The following PIWIL1 variants were observed in gnomAD, a reference collection of about 807,000 sequenced individuals.
PIWIL1 encodes the protein piwi-like protein 1.
PIWIL1 carries 73 observed loss-of-function variants against 114.4 expected under a neutral mutation model. The ratio of observed to expected loss-of-function variants is 0.64; its 90% CI spans 0.53 to 0.78. The LOEUF (loss-of-function observed/expected upper bound fraction) is 0.78, where lower values mean the gene tolerates loss of function less well. PIWIL1 is among the 30% of genes least tolerant of loss of function. PIWIL1 has a pLI of 0.00. For missense variants in PIWIL1, 723 were observed against 1,063.1 expected (o/e 0.68, Z 4.45); for synonymous variants, 375 against 369.0 (o/e 1.02, Z -0.19).
In PIWIL1 at chr12:130,361,601, G is replaced by A. The variant is rs199654827; in HGVS notation, c.1970G>A (p.Arg657His). 486 of 1,612,324 alleles carry A rather than the reference G, an allele frequency of 3.0e-4. No homozygotes were observed. The highest frequency in any genetic ancestry group is 4.0e-4 in the Non-Finnish European group (473 of 1,178,512). Reference protein sequence around the residue: ...FVASINEGMTRWFSRCIFQDR... With the variant: ...FVASINEGMTHWFSRCIFQDR... The stretch of plus-strand genomic sequence containing the variant: ...GCCAGCATCAATGAAGGGATGACCC[G>A]GTGAGTGAGACTGGGCTACTGTGGG... Residue 657 changes from arginine to histidine, a missense_variant and splice_region_variant, in exon 16 of 21, where the codon CGC (arginine) becomes CAC (histidine). Coordinates refer to ENST00000245255, the MANE Select transcript of PIWIL1 (RefSeq NM_004764.5).
intron 18 of PIWIL1, among the ~76,000 whole-genome samples, chr12:130,365,050 C>T (rs2073617399): frequency 6.6e-6 from 1 of 152,144 alleles, no homozygotes; most frequent in African/African-American, 2.4e-5. Flanking sequence ...GAGGTTGCCA[C>T]CCTAGTGAAT....
At chr12:130,387,862 T>G in the PIWIL1 span, among the ~76,000 whole-genome samples, 3 of 152,266 alleles carry the variant, frequency 2.0e-5, no homozygotes, top group African/African-American at 7.2e-5. Flanking sequence ...TAATAAAATT[T>G]ACAGCATATC....
At chr12:130,402,647 A>G in the PIWIL1 span, among the ~76,000 whole-genome samples, 104,011 of 152,002 alleles carry the variant, frequency 0.68, 36,930 homozygotes, top group Non-Finnish European at 0.78. Context: ...CCATTTCTCT[A>G]TTTGCGGCCA....
chr12:130,374,963 G>A (rs1419848019), downstream of PIWIL1, among the ~76,000 whole-genome samples: 2 of 151,954 alleles, frequency 1.3e-5, no homozygotes, highest in Non-Finnish European at 2.9e-5. Flanking sequence ...TACACTTCTC[G>A]TCTGCCAAGG....
the PIWIL1 span, chr12:130,424,204 G>A: frequency 1.9e-5 from 23 of 1,231,944 alleles, no homozygotes; most frequent in African/African-American, 4.7e-5. This position sits in a 1 kb window ranked among gnomAD's most constrained non-coding sequence, Gnocchi z 9.8. Flanking sequence ...CTACTGTCGG[G>A]CATGGTTATG....
the PIWIL1 span, among the ~76,000 whole-genome samples, chr12:130,389,645 A>G: frequency 6.6e-6 from 1 of 152,178 alleles, no homozygotes; most frequent in South Asian, 2.1e-4. Context: ...TATTATTAAC[A>G]TCTTCTGTTT....
intron 18 of PIWIL1, among the ~76,000 whole-genome samples, chr12:130,364,709 G>C (rs992492398): frequency 6.6e-6 from 1 of 152,130 alleles, no homozygotes; most frequent in African/African-American, 2.4e-5. Flanking sequence ...TGGCCTTTCT[G>C]TCTGTGTGGG....
the PIWIL1 span, among the ~76,000 whole-genome samples, chr12:130,402,385 T>A: frequency 1.3e-5 from 2 of 152,066 alleles, no homozygotes; most frequent in Non-Finnish European, 2.9e-5. Flanking sequence ...TGACTGGCAG[T>A]CAGAACGCTG....
At chr12:130,424,479 C>T in the PIWIL1 span, 24 of 1,232,036 alleles carry the variant, frequency 1.9e-5, no homozygotes, top group Middle Eastern at 3.1e-4. This position sits in a 1 kb window ranked among gnomAD's most constrained non-coding sequence, Gnocchi z 9.8. Context: ...GAAGCCAAAC[C>T]GCGACTCGTC....
chr12:130,407,410 TC>T, the PIWIL1 span, among the ~76,000 whole-genome samples: 1 of 152,210 alleles, frequency 6.6e-6, no homozygotes, highest in Non-Finnish European at 1.5e-5. Flanking sequence ...GGCTTTTATT[TC>T]TCTCCTAAAG....
At chr12:130,361,754 G>A (rs1371410846) in intron 16 of PIWIL1, among the ~76,000 whole-genome samples, 153 bp downstream of exon 16, 1 of 152,092 alleles carries the variant, frequency 6.6e-6, no homozygotes, top group East Asian at 1.9e-4. Flanking sequence ...ACCTACCCTA[G>A]CTCTTGAATG....
chr12:130,410,636 C>G, the PIWIL1 span, among the ~76,000 whole-genome samples: 1 of 152,132 alleles, frequency 6.6e-6, no homozygotes, highest in African/African-American at 2.4e-5. Context: ...CGTTGAATTG[C>G]CTTTTTACCT....
chr12:130,357,574 T>C, intron 14 of PIWIL1, 21 bp downstream of exon 14: 3 of 1,548,214 alleles, frequency 1.9e-6, no homozygotes, highest in Non-Finnish European at 1.8e-6. Flanking sequence ...AATTGACATA[T>C]AGGCAGTTTT....
At chr12:130,425,017 G>A in the PIWIL1 span, 1 of 418,650 alleles carries the variant, frequency 2.4e-6, no homozygotes, top group Admixed American at 4.4e-5. Context: ...GCCGTGGAGG[G>A]CTCTGCAATG....
intron 1 of PIWIL1, among the ~76,000 whole-genome samples, chr12:130,338,713 T>A (rs1593074582): frequency 1.3e-5 from 1 of 76,028 alleles, no homozygotes; most frequent in East Asian, 4.3e-4. Flanking sequence ...AGGAGCCGGG[T>A]GCGGGGGCGA....
the PIWIL1 span, chr12:130,397,264 A>AGAT: frequency 5.0e-6 from 2 of 396,104 alleles, no homozygotes; most frequent in Non-Finnish European, 8.9e-6. Context: ...TCAGGGGAGA[A>AGAT]GATTGGGTTT....
At chr12:130,353,286 TG>T (rs1169355707) in intron 9 of PIWIL1, among the ~76,000 whole-genome samples, 1 of 142,116 alleles carries the variant, frequency 7.0e-6, no homozygotes, top group Non-Finnish European at 1.6e-5. Context: ...TGTGGTTTTT[TG>T]TTCTTCTGGT....
At chr12:130,340,539 C>T (rs1229826087) in intron 1 of PIWIL1, among the ~76,000 whole-genome samples, 2 of 150,428 alleles carry the variant, frequency 1.3e-5, no homozygotes, top group African/African-American at 2.4e-5. Flanking sequence ...GAGGTGAGCT[C>T]AGGCTGTCCT....
chr12:130,407,792 C>T, the PIWIL1 span: 1,532 of 1,614,028 alleles, frequency 9.5e-4, 21 homozygotes, highest in South Asian at 0.012. Context: ...TTCTCCGCGT[C>T]GATACCGAAT....
Sources: allele counts gnomAD v4.1 joint callset (sites outside exome capture counted in the v4.1 genomes callset), GRCh38; gene constraint gnomAD v4.1.1; non-coding constraint Gnocchi (gnomAD v3.1); transcripts MANE v1.5; gene names NCBI Gene and HGNC (gene_info 2026-07-23, HGNC 2026-07-21).